Variants in CNTN5 observed in about 807,000 individuals in gnomAD.
CNTN5 encodes contactin-5.
Under a neutral mutation model 129.1 loss-of-function variants are expected in CNTN5, and 77 were observed. That is an observed-to-expected ratio of 0.60 (90% CI 0.50 to 0.72). The LOEUF (loss-of-function observed/expected upper bound fraction) is 0.72. Among genes scored for constraint, CNTN5 ranks in the 30% least tolerant of loss-of-function variants. The pLI is 0.00. For synonymous variants in CNTN5, 509 were observed against 465.6 expected (o/e 1.09, Z -1.20); for missense variants, 1,478 against 1,328.8 (o/e 1.11, Z -1.75).
At position 100,063,091 on chromosome 11, in the gene CNTN5, T is replaced by C. The variant is rs183831949; in HGVS notation, c.1162+1698T>C. ...CTATCAGAGGAAAGTACGAATTCTC[T>C]GTGTTCGAAGAATGGCCCACACCTA... is the stretch of plus-strand genomic sequence containing the variant. On this transcript the variant is annotated intron_variant, in intron 10 of 24. Transcript: ENST00000524871. Among the ~76,000 whole-genome samples the C allele has an allele frequency of 3.9e-5, 6 of 152,264 alleles. No homozygotes were observed. The East Asian group carries it at 1.2e-3, about 29-fold the overall frequency.
chr11:99,475,504 G>T (rs1335734088), intron 2 of CNTN5, among the ~76,000 whole-genome samples: 1 of 152,040 alleles, frequency 6.6e-6, no homozygotes, highest in Non-Finnish European at 1.5e-5. Context: ...CAGAGTACTT[G>T]TTATCTCTGT....
chr11:99,110,727 G>A (rs1857750784), intron 1 of CNTN5, among the ~76,000 whole-genome samples: 1 of 152,072 alleles, frequency 6.6e-6, no homozygotes, highest in South Asian at 2.1e-4. Context: ...ACATTATTGG[G>A]AAGAAGTTCT....
intron 18 of CNTN5, among the ~76,000 whole-genome samples, chr11:100,293,673 A>C: frequency 6.6e-6 from 1 of 151,806 alleles, no homozygotes; most frequent in East Asian, 1.9e-4. Flanking sequence ...GTTAAAAAAT[A>C]TTTTCAGCCA....
chr11:99,799,382 G>T (rs1050771421), intron 3 of CNTN5, among the ~76,000 whole-genome samples: 1 of 151,872 alleles, frequency 6.6e-6, no homozygotes, highest in African/African-American at 2.4e-5. Flanking sequence ...GTTAGCTGTA[G>T]GTTTGTCATA....
intron 3 of CNTN5, among the ~76,000 whole-genome samples, chr11:99,801,627 C>A (rs1005653236): frequency 2.1e-5 from 2 of 96,558 alleles, no homozygotes; most frequent in Non-Finnish European, 5.0e-5. Flanking sequence ...CTTTTTTTAA[C>A]TCTTTTTTAA....
At chr11:99,915,803 C>G (rs1401947895) in intron 6 of CNTN5, among the ~76,000 whole-genome samples, 2 of 152,082 alleles carry the variant, frequency 1.3e-5, no homozygotes, top group African/African-American at 4.8e-5. Context: ...TCCCTAGCAT[C>G]TATACTGGCA....
chr11:99,484,775 C>G (rs947896140), intron 2 of CNTN5, among the ~76,000 whole-genome samples: 1 of 151,946 alleles, frequency 6.6e-6, no homozygotes, highest in Non-Finnish European at 1.5e-5. Context: ...AAGAAATAAG[C>G]CTGGAACAGA....
chr11:99,052,101 G>A (rs1055222311), intron 1 of CNTN5, among the ~76,000 whole-genome samples: 7 of 151,838 alleles, frequency 4.6e-5, no homozygotes, highest in Non-Finnish European at 8.8e-5. Context: ...TAGCATGGCA[G>A]AACAAAGTGT....
chr11:99,647,036 T>C (rs906434293), intron 3 of CNTN5, among the ~76,000 whole-genome samples: 6 of 143,894 alleles, frequency 4.2e-5, no homozygotes, highest in African/African-American at 1.5e-4. Flanking sequence ...TAGTTTACAT[T>C]AACCCCATTT....
In CNTN5 at chr11:100,001,963, T is replaced by C. The variant is rs969356769; in HGVS notation, c.878-71T>C. ...AACCAAACCACAGTGATTTTCAATG[T>C]AACATCTCCAGGATTAAGAAACAAA... On this transcript the variant is annotated intron_variant, in intron 8 of 24. Coordinates refer to ENST00000524871, the MANE Select transcript of CNTN5 (RefSeq NM_014361.4). 2.8e-6 allele frequency: 3 copies of C among 1,078,384 alleles called. No homozygotes were observed. In the African/African-American group the frequency reaches 4.9e-5, roughly 18 times the overall value. 66.8% of individuals were successfully genotyped at this position (1,078,384 alleles called of 1,614,324 possible).
intron 13 of CNTN5, among the ~76,000 whole-genome samples, chr11:100,089,633 A>T (rs191638712): frequency 6.6e-6 from 1 of 152,172 alleles, no homozygotes; most frequent in Non-Finnish European, 1.5e-5. Flanking sequence ...TAGCAAATAC[A>T]TGGAATCAAA....
At chr11:99,830,587 G>A (rs1057031669) in intron 4 of CNTN5, among the ~76,000 whole-genome samples, 1 of 151,984 alleles carries the variant, frequency 6.6e-6, no homozygotes, top group Non-Finnish European at 1.5e-5. Context: ...ATTCTCTCTT[G>A]GAGGGGGAAA....
chr11:99,973,040 A>C (rs1325930977), intron 8 of CNTN5, among the ~76,000 whole-genome samples: 7 of 151,992 alleles, frequency 4.6e-5, no homozygotes, highest in Admixed American at 3.9e-4. Flanking sequence ...TATACTAGAT[A>C]GGGTTGCCTA....
intron 6 of CNTN5, among the ~76,000 whole-genome samples, chr11:99,904,344 G>T (rs1172556227): frequency 6.6e-6 from 1 of 151,296 alleles, no homozygotes; most frequent in Non-Finnish European, 1.5e-5. Context: ...CCCCGTGTCC[G>T]TGTGTTCTCA....
intron 6 of CNTN5, among the ~76,000 whole-genome samples, chr11:99,856,562 C>T (rs1371145363): frequency 6.6e-6 from 1 of 152,126 alleles, no homozygotes; most frequent in African/African-American, 2.4e-5. Context: ...TTCCATGGGA[C>T]TTAAGGGGCA....
intron 1 of CNTN5, among the ~76,000 whole-genome samples, chr11:99,204,590 G>A (rs1232892701): frequency 2.6e-5 from 4 of 151,922 alleles, no homozygotes; most frequent in Non-Finnish European, 5.9e-5. Context: ...CTAGCTTCTG[G>A]CCATGACAAA....
intron 1 of CNTN5, among the ~76,000 whole-genome samples, chr11:99,304,783 C>T (rs1190223110): frequency 5.9e-5 from 9 of 152,160 alleles, no homozygotes; most frequent in Admixed American, 5.9e-4. Flanking sequence ...TAACTTCACT[C>T]CTGAAGTATG....
chr11:99,656,830 G>A (rs1260443717), intron 3 of CNTN5, among the ~76,000 whole-genome samples: 3 of 151,986 alleles, frequency 2.0e-5, no homozygotes, highest in Non-Finnish European at 4.4e-5. Flanking sequence ...AAGCCTCTCT[G>A]ACTCTGTTCA....
chr11:99,829,141 ATATACT>A (rs922590117), intron 4 of CNTN5, among the ~76,000 whole-genome samples: 24 of 152,330 alleles, frequency 1.6e-4, no homozygotes, highest in African/African-American at 5.5e-4. Flanking sequence ...TTCCCTGGTG[ATATACT>A]TAAAGAAGCA....
Sources: gnomAD v4.1 joint callset for allele counts (sites outside exome capture counted in the v4.1 genomes callset) on GRCh38, gnomAD v4.1.1 for gene constraint, MANE v1.5 for transcripts, NCBI Gene and HGNC (gene_info 2026-07-23, HGNC 2026-07-21) for gene names.